PDE1C: variants seen among roughly 807,000 people sequenced by gnomAD.
PDE1C encodes phosphodiesterase 1C.
PDE1C carries 62 observed loss-of-function variants against 93.1 expected under a neutral mutation model. That is an observed-to-expected ratio of 0.67 (90% CI 0.54 to 0.82). The LOEUF is 0.82. PDE1C is among the 40% of genes least tolerant of loss of function. The pLI, the probability that PDE1C is intolerant of heterozygous loss-of-function variation, is 0.00. For synonymous variants in PDE1C, 325 were observed against 310.1 expected (o/e 1.05, Z -0.50); for missense variants, 742 against 884.6 (o/e 0.84, Z 2.04).
chr7:31,642,709 C>A, the PDE1C span: 6 of 1,613,794 alleles, frequency 3.7e-6, no homozygotes, highest in African/African-American at 8.0e-5. Context: ...CAGCCAGAGT[C>A]CTGCTGAGAA....
At chr7:31,721,163 G>C in the PDE1C span, among the ~76,000 whole-genome samples, 3 of 152,166 alleles carry the variant, frequency 2.0e-5, no homozygotes, top group Non-Finnish European at 2.9e-5. Flanking sequence ...CTTATTGAAA[G>C]GGGAAAAGGA....
chr7:32,304,333 G>A (rs1812946674), intron 1 of PDE1C, among the ~76,000 whole-genome samples: 1 of 152,158 alleles, frequency 6.6e-6, no homozygotes, highest in Admixed American at 6.5e-5. Flanking sequence ...TTCCATCCTC[G>A]GCCCTGGCAC....
rs545801141 is a variant in PDE1C, at chr7:31,855,753, A to C, written c.751-5012T>G. Among the ~76,000 whole-genome samples, 23 of 148,224 alleles carry C rather than the reference A, an allele frequency of 1.6e-4. No individual in the cohort carries two copies. The South Asian group carries it at 4.8e-3, about 31-fold the overall frequency. On this transcript the variant is annotated intron_variant, in intron 7 of 17. Transcript: ENST00000396191. ...AAAATAAAAAATAAATAATAAATAA[A>C]AAATAAATAAAAATAAGATATGCAG... is the stretch of plus-strand genomic sequence containing the variant.
chr7:31,898,513 T>A (rs887129214), intron 2 of PDE1C, among the ~76,000 whole-genome samples: 9 of 152,210 alleles, frequency 5.9e-5, no homozygotes, highest in Non-Finnish European at 1.3e-4. Flanking sequence ...TCATAATTTA[T>A]AAAATCCACT....
chr7:31,691,432 T>C, the PDE1C span, among the ~76,000 whole-genome samples: 1 of 152,172 alleles, frequency 6.6e-6, no homozygotes, highest in Admixed American at 6.5e-5. Context: ...CTTGCTATAG[T>C]AGGACATGAG....
chr7:31,925,039 C>CTGTGTGTGTGTGTG, intron 2 of PDE1C, among the ~76,000 whole-genome samples: 1 of 135,296 alleles, frequency 7.4e-6, no homozygotes, highest in Non-Finnish European at 1.6e-5. Flanking sequence ...GTAGACATTT[C>CTGTGTGTGTGTGTG]TGTGTGTGTG....
intron 3 of PDE1C, among the ~76,000 whole-genome samples, chr7:32,147,304 G>GAAAGAAAAAGAAAGAAAGAAA (rs776392463): frequency 7.0e-6 from 1 of 142,380 alleles, no homozygotes; most frequent in Non-Finnish European, 1.5e-5. Flanking sequence ...AAGAAAGAAA[G>GAAAGAAAAAGAAAGAAAGAAA]AAAGAAAGAA....
the PDE1C span, among the ~76,000 whole-genome samples, chr7:31,731,480 T>A: frequency 6.6e-6 from 1 of 152,056 alleles, no homozygotes; most frequent in Non-Finnish European, 1.5e-5. Flanking sequence ...AACCTCCGCC[T>A]CCCCGGTTCA....
intron 1 of PDE1C, among the ~76,000 whole-genome samples, chr7:32,242,401 G>A (rs1249716120): frequency 6.6e-6 from 1 of 152,194 alleles, no homozygotes; most frequent in Non-Finnish European, 1.5e-5. Context: ...TGGGGTTATT[G>A]GAAGGGATGC....
chr7:32,282,169 A>G (rs1267387404), intron 1 of PDE1C, among the ~76,000 whole-genome samples: 1 of 151,642 alleles, frequency 6.6e-6, no homozygotes, highest in Admixed American at 6.6e-5. Context: ...AAAAAAAAAA[A>G]AAGAAAGAAA....
At chr7:31,652,498 TC>T in the PDE1C span, 1 of 1,566,928 alleles carries the variant, frequency 6.4e-7, no homozygotes, top group Non-Finnish European at 8.7e-7. Flanking sequence ...TTACTCTTTT[TC>T]CTCTTGTTTT....
At chr7:31,737,433 TGA>T in the PDE1C span, among the ~76,000 whole-genome samples, 2 of 152,202 alleles carry the variant, frequency 1.3e-5, no homozygotes, top group Non-Finnish European at 2.9e-5. Flanking sequence ...TAGTTCAGAC[TGA>T]CATGCCAACA....
intron 2 of PDE1C, among the ~76,000 whole-genome samples, chr7:32,176,619 T>C (rs1330983571): frequency 6.6e-6 from 1 of 152,150 alleles, no homozygotes; most frequent in Non-Finnish European, 1.5e-5. Flanking sequence ...TGGAAAATAA[T>C]GATTAATTTA....
Position 31,815,966 on chromosome 7 carries a change from T to C in PDE1C, c.1771A>G (p.Asn591Asp). ...ANKSDNPRGK[N>D]SKAEKSSGEQ... The stretch of plus-strand genomic sequence containing the variant: ...CCTGATGACTTCTCGGCTTTGGAGT[T>C]TTTCCCACGAGGGTTGTCACTTTTG... Residue 591 changes from asparagine to aspartate, a missense_variant, in exon 15 of 18, where the codon AAC (asparagine) becomes GAC (aspartate). Physicochemically the swap from Asn to Asp is conservative, Grantham distance 23. Transcript: ENST00000396191. 6.2e-7 allele frequency: 1 copy of C among 1,613,970 alleles called. No homozygotes were observed. The highest frequency in any genetic ancestry group is 8.5e-7 in the Non-Finnish European group (1 of 1,179,892).
chr7:31,882,400 A>G (rs949784213), intron 2 of PDE1C, among the ~76,000 whole-genome samples: 10 of 152,088 alleles, frequency 6.6e-5, no homozygotes, highest in South Asian at 4.1e-4. Flanking sequence ...CCAGCCTGCC[A>G]AAGAATGGGG....
intron 2 of PDE1C, among the ~76,000 whole-genome samples, chr7:32,209,003 G>A (rs112689573): frequency 4.7e-4 from 72 of 152,318 alleles, no homozygotes; most frequent in African/African-American, 1.7e-3. Context: ...TGGTGATGAT[G>A]CCTTCATAGC....
intron 1 of PDE1C, among the ~76,000 whole-genome samples, chr7:32,407,690 C>T (rs1360264816): frequency 6.6e-6 from 1 of 152,186 alleles, no homozygotes; most frequent in Non-Finnish European, 1.5e-5. Context: ...AATATCTCAG[C>T]TGAGGGTGGC....
intron 2 of PDE1C, among the ~76,000 whole-genome samples, chr7:31,918,298 A>G (rs2128953236): frequency 6.6e-6 from 1 of 152,364 alleles, no homozygotes; most frequent in South Asian, 2.1e-4. Context: ...TTTTGGAAAC[A>G]GAATACCTCA....
At chr7:32,404,384 G>C (rs1475906146) in intron 1 of PDE1C, among the ~76,000 whole-genome samples, 1 of 152,104 alleles carries the variant, frequency 6.6e-6, no homozygotes, top group African/African-American at 2.4e-5. Flanking sequence ...TTTTGAGAAA[G>C]AGTCTGTCAC....
Sources: allele counts gnomAD v4.1 joint callset (sites outside exome capture counted in the v4.1 genomes callset), GRCh38; gene constraint gnomAD v4.1.1; transcripts MANE v1.5; gene names NCBI Gene and HGNC (gene_info 2026-07-23, HGNC 2026-07-21).